The following DMD variants were observed in gnomAD, a reference collection of about 807,000 sequenced individuals.
DMD encodes mutant dystrophin.
DMD carries 63 observed loss-of-function variants against 330.1 expected under a neutral mutation model. The ratio of observed to expected loss-of-function variants is 0.19; its 90% CI spans 0.16 to 0.24. The LOEUF (loss-of-function observed/expected upper bound fraction) is 0.24, where lower values mean the gene tolerates loss of function less well. DMD is among the 10% of genes least tolerant of loss of function. DMD has a pLI of 1.00. For synonymous variants in DMD, 1,223 were observed against 959.8 expected (o/e 1.27, Z -5.07); for missense variants, 3,344 against 2,684.1 (o/e 1.25, Z -5.43).
At chrX:31,137,862 A>C (rs923659863) in intron 76 of DMD, among the ~76,000 whole-genome samples, 1 of 111,430 alleles carries the variant, frequency 9.0e-6, no homozygotes, top group African/African-American at 3.3e-5. Context: ...CAAAAGCTTT[A>C]AGAACTGGAG....
At chrX:31,675,647 C>T (rs1237096849) in intron 53 of DMD, among the ~76,000 whole-genome samples, 1 of 111,487 alleles carries the variant, frequency 9.0e-6, no homozygotes, top group African/African-American at 3.3e-5. Context: ...AGGTATGAGC[C>T]ACCGCGCCCG....
At chrX:32,335,778 ATATG>A (rs1221926261) in intron 41 of DMD, among the ~76,000 whole-genome samples, 3 of 102,777 alleles carry the variant, frequency 2.9e-5, no homozygotes, top group African/African-American at 1.0e-4. Context: ...AAAACGTTAT[ATATG>A]TATAACATGT....
At chrX:31,389,708 G>C (rs746089308) in intron 60 of DMD, among the ~76,000 whole-genome samples, 1 of 112,001 alleles carries the variant, frequency 8.9e-6, no homozygotes, top group South Asian at 3.7e-4. Flanking sequence ...TTATATACAT[G>C]AAACCTGATC....
At chrX:31,715,859 A>T (rs747506897) in intron 52 of DMD, among the ~76,000 whole-genome samples, 1 of 111,410 alleles carries the variant, frequency 9.0e-6, no homozygotes, top group Admixed American at 9.6e-5. Flanking sequence ...GCGTTTTATT[A>T]ACCTCTTTAG....
chrX:32,549,909 C>A (rs750129285), intron 16 of DMD, among the ~76,000 whole-genome samples: 1 of 112,280 alleles, frequency 8.9e-6, no homozygotes, highest in South Asian at 3.6e-4. Flanking sequence ...AAAGGACATA[C>A]AATAAAATAA....
At chrX:31,549,155 A>T in intron 55 of DMD, among the ~76,000 whole-genome samples, 1 of 111,251 alleles carries the variant, frequency 9.0e-6, no homozygotes, top group South Asian at 3.8e-4. Flanking sequence ...GGAGACAAAG[A>T]GAGCAAATAG....
intron 6 of DMD, among the ~76,000 whole-genome samples, chrX:32,812,022 C>G (rs1284150916): frequency 9.0e-6 from 1 of 111,286 alleles, no homozygotes; most frequent in African/African-American, 3.3e-5. Flanking sequence ...AAGAAACTGG[C>G]TGAGTTTGCA....
At chrX:32,305,776 C>G (rs1179981267) in intron 42 of DMD, among the ~76,000 whole-genome samples, 1 of 111,109 alleles carries the variant, frequency 9.0e-6, no homozygotes, top group Non-Finnish European at 1.9e-5. Context: ...ACTCACAACT[C>G]CCATATCCTC....
chrX:31,660,873 T>G (rs965405259), intron 53 of DMD, among the ~76,000 whole-genome samples: 5 of 111,767 alleles, frequency 4.5e-5, no homozygotes, highest in African/African-American at 1.6e-4. Flanking sequence ...TATAATTTTA[T>G]GCAGTTTTTG....
At chrX:33,193,742 A>G (rs569556971) in intron 1 of DMD, among the ~76,000 whole-genome samples, 1 of 112,232 alleles carries the variant, frequency 8.9e-6, no homozygotes, top group Non-Finnish European at 1.9e-5. Context: ...TGTATGCATA[A>G]TTCTAGTTTT....
At chrX:33,087,418 TTGA>T (rs1265441659) in intron 1 of DMD, among the ~76,000 whole-genome samples, 1 of 112,121 alleles carries the variant, frequency 8.9e-6, no homozygotes, top group African/African-American at 3.2e-5. Context: ...CATATTTGTG[TTGA>T]TGATTCTGGC....
chrX:32,505,773 T>A (rs1487043868), intron 18 of DMD, among the ~76,000 whole-genome samples: 1 of 112,167 alleles, frequency 8.9e-6, no homozygotes, highest in East Asian at 2.8e-4. Context: ...AGTAGATGAA[T>A]GGATAAATAA....
intron 48 of DMD, among the ~76,000 whole-genome samples, chrX:31,861,598 AAG>A (rs1556949885): frequency 9.5e-6 from 1 of 105,004 alleles, no homozygotes; most frequent in Non-Finnish European, 2.0e-5. Context: ...AAAAAAAAAA[AAG>A]AGACAGTTCT....
intron 52 of DMD, among the ~76,000 whole-genome samples, chrX:31,713,534 T>A (rs764570749): frequency 8.9e-6 from 1 of 112,102 alleles, no homozygotes; most frequent in East Asian, 2.8e-4. Context: ...CTTTTATAAA[T>A]CCCTTTTCCA....
chrX:33,042,436 C>T (rs7053635), intron 1 of DMD, among the ~76,000 whole-genome samples: 8,252 of 112,034 alleles, frequency 0.074, 713 homozygotes, highest in African/African-American at 0.25. Flanking sequence ...TGTAGAGGGG[C>T]ATCAATAGAT....
chrX:33,075,639 A>G (rs1711796205), intron 1 of DMD, among the ~76,000 whole-genome samples: 1 of 112,469 alleles, frequency 8.9e-6, no homozygotes, highest in Middle Eastern at 4.2e-3. Flanking sequence ...CCGTATTGGG[A>G]TATCTTAGAT....
At chrX:32,721,959 T>A (rs939942330) in intron 7 of DMD, among the ~76,000 whole-genome samples, 1 of 110,107 alleles carries the variant, frequency 9.1e-6, no homozygotes, top group Non-Finnish European at 1.9e-5. Flanking sequence ...CCAAAATTAG[T>A]TGATTATATA....
At chrX:32,706,664 T>C (rs1293289621) in intron 7 of DMD, among the ~76,000 whole-genome samples, 1 of 112,245 alleles carries the variant, frequency 8.9e-6, no homozygotes, top group Non-Finnish European at 1.9e-5. Flanking sequence ...AATCAGATGC[T>C]TTTAGAAGAC....
At chrX:32,862,140 A>C (rs759471491) in intron 2 of DMD, among the ~76,000 whole-genome samples, 1 of 112,239 alleles carries the variant, frequency 8.9e-6, no homozygotes. Flanking sequence ...TACCAAAAAA[A>C]GCACGAAAAT....
Sources: allele counts gnomAD v4.1 joint callset (sites outside exome capture counted in the v4.1 genomes callset), GRCh38; gene constraint gnomAD v4.1.1; transcripts MANE v1.5; gene names NCBI Gene and HGNC (gene_info 2026-07-23, HGNC 2026-07-21).